CBLL1: variants seen among roughly 807,000 people sequenced by gnomAD.
CBLL1 encodes Cbl proto-oncogene like 1, also known as E3 ubiquitin-protein ligase Hakai.
In CBLL1, 4 loss-of-function variants were observed where a neutral mutation model predicts 44.9. The ratio of observed to expected loss-of-function variants is 0.09; its 90% CI spans 0.04 to 0.20. The LOEUF (loss-of-function observed/expected upper bound fraction) is 0.20, where lower values mean the gene tolerates loss of function less well. CBLL1 is among the 10% of genes least tolerant of loss of function. CBLL1 has a pLI of 1.00. For missense variants in CBLL1, 569 were observed against 636.7 expected (o/e 0.89, Z 1.14); for synonymous variants, 235 against 202.2 (o/e 1.16, Z -1.38).
intron 5 of CBLL1, among the ~76,000 whole-genome samples, chr7:107,756,151 A>G (rs1423322215): frequency 6.6e-6 from 1 of 152,186 alleles, no homozygotes; most frequent in African/African-American, 2.4e-5. Flanking sequence ...AAGAATTTTT[A>G]TATCAGTTCA....
At chr7:107,754,369 T>TC (rs1793437726) in intron 4 of CBLL1, among the ~76,000 whole-genome samples, 1 of 151,972 alleles carries the variant, frequency 6.6e-6, no homozygotes, top group Non-Finnish European at 1.5e-5. Context: ...TCTCTTTTTT[T>TC]CCTGAGGCTC....
rs1793762630 is a variant in CBLL1 at position 107,761,663 on chromosome 7, T to C, written c.*2485T>C. 1 of 152,158 alleles carries C rather than the reference T, an allele frequency of 6.6e-6. No individual in the cohort carries two copies. The highest frequency in any genetic ancestry group is 1.5e-5 in the Non-Finnish European group (1 of 67,874). 9.4% of individuals were successfully genotyped at this position (152,158 alleles called of 1,614,324 possible). The stretch of plus-strand genomic sequence containing the variant: ...AAAAACAATAAAATGGAAGCATAAA[T>C]ACTATTTTGCCTAGATGAATTTTTA... On this transcript the variant is annotated 3_prime_UTR_variant, in exon 6 of 6. Transcript: ENST00000440859.
chr7:107,759,199 G>T lies in CBLL1; in HGVS notation c.*21G>T. 6.5e-7 allele frequency: 1 copy of T among 1,546,466 alleles called. No individual in the cohort carries two copies. Among genetic ancestry groups the T allele is most frequent in the Non-Finnish European group, 8.7e-7 (1 of 1,147,938 alleles). ...AATGATAATAGTATTTTGAATGGAAGATATGAGGGGGAAAAAAACTTATGT... is the reference window on the plus strand; with the variant it reads ...AATGATAATAGTATTTTGAATGGAATATATGAGGGGGAAAAAAACTTATGT... On this transcript the variant is annotated 3_prime_UTR_variant, in exon 6 of 6. Transcript: ENST00000440859.
At chr7:107,757,764 C>A (rs1447985145) in intron 5 of CBLL1, among the ~76,000 whole-genome samples, 2 of 152,178 alleles carry the variant, frequency 1.3e-5, no homozygotes, top group Admixed American at 6.5e-5. Context: ...TAATACCATA[C>A]TAGTTTGAAT....
chr7:107,749,719 A>G (rs1469172220), intron 2 of CBLL1, among the ~76,000 whole-genome samples: 1 of 151,230 alleles, frequency 6.6e-6, no homozygotes, highest in Non-Finnish European at 1.5e-5. Flanking sequence ...TTAAAAAAAT[A>G]ATAATAAAAA....
At position 107,759,354 on chromosome 7, in the gene CBLL1, C is replaced by T. The variant is rs1793674328; in HGVS notation, c.*176C>T. ...TGACCTTAAGATTGATTTCAAGTAC[C>T]ATACTGTAGTACAGATAAGTGGCTC... On this transcript the variant is annotated 3_prime_UTR_variant, in exon 6 of 6. Transcript: ENST00000440859. 1.7e-6 allele frequency: 1 copy of T among 599,280 alleles called. No individual in the cohort carries two copies. Among genetic ancestry groups the T allele is most frequent in the Non-Finnish European group, 2.9e-6 (1 of 344,722 alleles). 37.1% of individuals were successfully genotyped at this position (599,280 alleles called of 1,614,324 possible). A position where few individuals can be genotyped will look rare whatever the true frequency, so the allele number is the denominator to read the frequency against.
chr7:107,761,305 T>G lies in CBLL1; in HGVS notation c.*2127T>G, dbSNP rs542787618. ...TCAGTATCATGATAAAATTTTGAAT[T>G]AAGAGAACCCTTGTAGAGTTTTTAA... On this transcript the variant is annotated 3_prime_UTR_variant, in exon 6 of 6. Transcript: ENST00000440859. 1 of 152,194 alleles carries G rather than the reference T, an allele frequency of 6.6e-6. No homozygotes were observed. The highest frequency in any genetic ancestry group is 2.1e-4 in the South Asian group (1 of 4,832). 9.4% of individuals were successfully genotyped at this position (152,194 alleles called of 1,614,324 possible). A position where few individuals can be genotyped will look rare whatever the true frequency, so the allele number is the denominator to read the frequency against.
At position 107,754,362 on chromosome 7, in the gene CBLL1, C is replaced by T. The variant is rs182975388; in HGVS notation, c.366+384C>T. Among the ~76,000 whole-genome samples the T allele has an allele frequency of 7.0e-3, 1,070 of 151,860 alleles. 11 individuals carry two copies. The highest frequency in any genetic ancestry group is 0.012 in the Admixed American group (186 of 15,266). On this transcript the variant is annotated intron_variant, in intron 4 of 5. Coordinates refer to ENST00000440859, the MANE Select transcript of CBLL1 (RefSeq NM_024814.4). ...TGCATTAATAATATTTATAATTTCT[C>T]TTTTTTTCCTGAGGCTCAGAGAGGC...
intron 2 of CBLL1, 66 bp downstream of exon 2, chr7:107,749,113 G>A (rs920503750): frequency 5.8e-5 from 83 of 1,438,642 alleles, no homozygotes; most frequent in Non-Finnish European, 7.5e-5. Context: ...GACAGTCTGT[G>A]TGATCTTATA....
intron 1 of CBLL1, chr7:107,744,448 C>A: frequency 2.4e-6 from 1 of 424,394 alleles, no homozygotes; most frequent in Non-Finnish European, 4.2e-6. Context: ...GCGATGTAGG[C>A]CTTCGGGAAG....
At chr7:107,750,961 GA>G (rs151323125) in intron 2 of CBLL1, among the ~76,000 whole-genome samples, 3,094 of 148,954 alleles carry the variant, frequency 0.021, 84 homozygotes, top group African/African-American at 0.073. Context: ...TTATTAAGGG[GA>G]AAAAAGGTGG....
intron 2 of CBLL1, among the ~76,000 whole-genome samples, chr7:107,750,551 G>C (rs1291486159): frequency 6.6e-6 from 1 of 152,038 alleles, no homozygotes; most frequent in Non-Finnish European, 1.5e-5. Context: ...TGATCCGCCC[G>C]CATCGGCCTC....
intron 1 of CBLL1, among the ~76,000 whole-genome samples, chr7:107,746,410 A>AT (rs66769467): frequency 6.6e-6 from 1 of 151,798 alleles, no homozygotes; most frequent in African/African-American, 2.4e-5. Flanking sequence ...TACCTATTTT[A>AT]TTTTTTTTAA....
rs1268613628 is a variant in CBLL1, at chr7:107,758,218, C to T, written c.516C>T (p.Cys172=). The change falls in exon 6 of 6, where the codon TGC becomes TGT. Residue 172 remains cysteine (C), a synonymous_variant. Coordinates refer to ENST00000440859, the MANE Select transcript of CBLL1 (RefSeq NM_024814.4). The surrounding 1 kb of genome is among the most constrained non-coding windows in gnomAD (Gnocchi z 4.2). ...SLFMCSIVQG[C]KRTYLSQRDL... The stretch of plus-strand genomic sequence containing the variant: ...TCATGTGTAGCATTGTTCAAGGGTG[C>T]AAGAGAACATATTTGTCTCAGAGAG... 5 of 1,613,968 alleles carry T rather than the reference C, an allele frequency of 3.1e-6. No individual in the cohort carries two copies. The highest frequency in any genetic ancestry group is 4.2e-6 in the Non-Finnish European group (5 of 1,180,002).
Position 107,761,637 on chromosome 7 carries a change from TAAAA to T in CBLL1, c.*2461_*2464del, listed in dbSNP as rs1183948563. ...ACTACTGAGGTGGCAGTTTAATTCT[TAAAA>T]ACAATAAAATGGAAGCATAAATACT... On this transcript the variant is annotated 3_prime_UTR_variant, in exon 6 of 6. Transcript: ENST00000440859. 2.6e-5 allele frequency: 4 copies of T among 152,154 alleles called. No homozygotes were observed. The highest frequency in any genetic ancestry group is 9.7e-5 in the African/African-American group (4 of 41,446). 9.4% of individuals were successfully genotyped at this position (152,154 alleles called of 1,614,324 possible). A position where few individuals can be genotyped will look rare whatever the true frequency, so the allele number is the denominator to read the frequency against.
Position 107,759,367 on chromosome 7 carries a change from A to G in CBLL1, c.*189A>G. ...GATTTCAAGTACCATACTGTAGTAC[A>G]GATAAGTGGCTCAGTTGAGCACAGC... is the stretch of plus-strand genomic sequence containing the variant. On this transcript the variant is annotated 3_prime_UTR_variant, in exon 6 of 6. Transcript: ENST00000440859. 1 of 520,058 alleles carries G rather than the reference A, an allele frequency of 1.9e-6. No homozygotes were observed. Among genetic ancestry groups the G allele is most frequent in the South Asian group, 3.5e-5 (1 of 28,616 alleles). 32.2% of individuals were successfully genotyped at this position (520,058 alleles called of 1,614,324 possible).
At chr7:107,746,496 A>G (rs1793024578) in intron 1 of CBLL1, among the ~76,000 whole-genome samples, 1 of 152,226 alleles carries the variant, frequency 6.6e-6, no homozygotes, top group South Asian at 2.1e-4. Context: ...ATAAAATTAT[A>G]AACCTTGTAG....
intron 1 of CBLL1, among the ~76,000 whole-genome samples, chr7:107,746,963 G>C (rs1793052589): frequency 1.3e-5 from 2 of 152,208 alleles, no homozygotes; most frequent in South Asian, 4.1e-4. Flanking sequence ...ATATGGAAGT[G>C]TTGTGCCTTT....
rs1354864971 is a variant in CBLL1, at chr7:107,761,260, C to G, written c.*2082C>G. The G allele has an allele frequency of 6.6e-6, 1 of 152,028 alleles. No individual in the cohort carries two copies. The highest frequency in any genetic ancestry group is 2.4e-5 in the African/African-American group (1 of 41,388). 9.4% of individuals were successfully genotyped at this position (152,028 alleles called of 1,614,324 possible). On this transcript the variant is annotated 3_prime_UTR_variant, in exon 6 of 6. Coordinates refer to ENST00000440859, the MANE Select transcript of CBLL1 (RefSeq NM_024814.4). ...TGAATGTGGTAAGAAACCACTTAGCCTATGTATTGGACGAGAAAATCAGTA... is the reference window on the plus strand; with the variant it reads ...TGAATGTGGTAAGAAACCACTTAGCGTATGTATTGGACGAGAAAATCAGTA...
Sources: gnomAD v4.1 joint callset for allele counts (sites outside exome capture counted in the v4.1 genomes callset) on GRCh38, gnomAD v4.1.1 for gene constraint, Gnocchi (gnomAD v3.1) non-coding constraint, MANE v1.5 for transcripts, NCBI Gene and HGNC (gene_info 2026-07-23, HGNC 2026-07-21) for gene names.